The following ALDH5A1 variants were observed in gnomAD, a reference collection of about 807,000 sequenced individuals.
ALDH5A1 encodes aldehyde dehydrogenase 5 family member A1, also known as succinate-semialdehyde dehydrogenase, mitochondrial.
A neutral mutation model predicts 54.7 loss-of-function variants in ALDH5A1; 33 were observed. That is an observed-to-expected ratio of 0.60 (90% CI 0.46 to 0.81). ALDH5A1 has a LOEUF of 0.81. Ranked by LOEUF, ALDH5A1 falls within the 30% of genes least tolerant of loss-of-function variation. The probability of loss-of-function intolerance (pLI) is 0.00; values close to 1 mark genes in which losing one functional copy is unlikely to be tolerated. For synonymous variants in ALDH5A1, 294 were observed against 292.7 expected (o/e 1.00, Z -0.05); for missense variants, 657 against 711.0 (o/e 0.92, Z 0.86).
intron 4 of ALDH5A1, among the ~76,000 whole-genome samples, chr6:24,512,516 TTC>T (rs1333787597): frequency 4.6e-5 from 7 of 152,250 alleles, no homozygotes; most frequent in Admixed American, 3.3e-4. Flanking sequence ...AATGATTTAC[TTC>T]TTTCTTCTGA....
chr6:24,520,312 T>G (rs1465143532), intron 5 of ALDH5A1, 89 bp from the exon 6 acceptor site: 1 of 1,554,428 alleles, frequency 6.4e-7, no homozygotes, highest in Non-Finnish European at 8.8e-7. Context: ...ACCTTGCTTT[T>G]TTCACCATTT....
At position 24,504,960 on chromosome 6, in the gene ALDH5A1, C is replaced by G. The variant is rs778392822; in HGVS notation, c.701C>G (p.Pro234Arg). 13 of 1,614,044 alleles carry G rather than the reference C, an allele frequency of 8.1e-6. No individual in the cohort carries two copies. Among genetic ancestry groups the G allele is most frequent in the Non-Finnish European group, 8.5e-7 (1 of 1,180,024 alleles). ...GTGGTGAAGCCTGCCGAAGACACGCCCTTCTCCGCCCTGGCCCTGGCTGAG... is the reference window on the plus strand; with the variant it reads ...GTGGTGAAGCCTGCCGAAGACACGCGCTTCTCCGCCCTGGCCCTGGCTGAG... Reference protein sequence around the residue: ...TVVVKPAEDTPFSALALAELA... With the variant: ...TVVVKPAEDTRFSALALAELA... Residue 234 changes from proline to arginine, a missense_variant, in exon 4 of 10, where the codon CCC becomes CGC. Pro to Arg is a moderately radical substitution (Grantham distance 103). This residue lies in a region of ALDH5A1 where 425 missense variants were observed against 516.4 expected (regional missense o/e 0.82). Transcript: ENST00000357578.
Position 24,522,772 on chromosome 6 carries a change from T to C in ALDH5A1, c.1020T>C (p.Cys340=). 6.2e-7 allele frequency: 1 copy of C among 1,613,878 alleles called. No homozygotes were observed. Among genetic ancestry groups the C allele is most frequent in the Non-Finnish European group, 8.5e-7 (1 of 1,179,906 alleles). The change falls in exon 7 of 10, where the codon TGT becomes TGC. Residue 340 remains cysteine (C), a synonymous_variant. Transcript: ENST00000357578. ...TGTTTTTGTCTCCTGTCCAGACTTG[T>C]GTTTGCTCAAACCAATTCTTGGTGC... The part of the protein sequence containing the change: ...ASKFRNTGQT[C]VCSNQFLVQR...
chr6:24,499,151 G>C (rs1295618169), intron 1 of ALDH5A1, among the ~76,000 whole-genome samples: 28 of 151,694 alleles, frequency 1.8e-4, no homozygotes. Flanking sequence ...AGGCATTGTG[G>C]CATGCACCTG....
chr6:24,501,391 G>A (rs1409180277), intron 1 of ALDH5A1, among the ~76,000 whole-genome samples: 2 of 152,088 alleles, frequency 1.3e-5, no homozygotes, highest in Non-Finnish European at 2.9e-5. Flanking sequence ...CTCTCCACAG[G>A]GCTTGTTTTC....
At chr6:24,523,724 T>G (rs1157953994) in intron 7 of ALDH5A1, among the ~76,000 whole-genome samples, 1 of 152,214 alleles carries the variant, frequency 6.6e-6, no homozygotes, top group Non-Finnish European at 1.5e-5. Context: ...CTGTTCTTTC[T>G]TCTCTTGATG....
intron 8 of ALDH5A1, among the ~76,000 whole-genome samples, chr6:24,529,676 T>TTG (rs1256798035): frequency 7.2e-6 from 1 of 139,000 alleles, no homozygotes; most frequent in Non-Finnish European, 1.6e-5. Context: ...TTGGGTTTTT[T>TTG]TTTTTTTTTT....
chr6:24,526,984 A>C (rs868333126), intron 7 of ALDH5A1, among the ~76,000 whole-genome samples: 552 of 30,146 alleles, frequency 0.018, 23 homozygotes, highest in African/African-American at 0.031. Flanking sequence ...GTATATATAT[A>C]TATATATATA....
At chr6:24,512,286 A>G (rs1342848336) in intron 4 of ALDH5A1, among the ~76,000 whole-genome samples, 4 of 152,204 alleles carry the variant, frequency 2.6e-5, no homozygotes, top group Admixed American at 6.5e-5. Context: ...ATGCTCTCCC[A>G]GTTTTCCTGA....
In ALDH5A1 at chr6:24,534,103, A is replaced by G. The variant is rs1759992933; in HGVS notation, c.*391A>G. The G allele has an allele frequency of 4.1e-6, 1 of 246,726 alleles. No homozygotes were observed. 15.3% of individuals were successfully genotyped at this position (246,726 alleles called of 1,614,324 possible). ...ATGTCGCTACAGAACATGGGCCCAG[A>G]GCACCTTGAAGGAGACCCTTGACTG... On this transcript the variant is annotated 3_prime_UTR_variant, in exon 10 of 10. Transcript: ENST00000357578.
At chr6:24,504,166 A>G (rs1759273612) in intron 3 of ALDH5A1, among the ~76,000 whole-genome samples, 1 of 152,172 alleles carries the variant, frequency 6.6e-6, no homozygotes, top group Non-Finnish European at 1.5e-5. Flanking sequence ...ACTTAACTGC[A>G]CTGTCTCCGT....
intron 1 of ALDH5A1, among the ~76,000 whole-genome samples, chr6:24,496,472 C>A (rs895311602): frequency 3.3e-5 from 5 of 152,166 alleles, no homozygotes; most frequent in African/African-American, 1.2e-4. Flanking sequence ...TAGCAAAGTA[C>A]CACAGACTGG....
intron 8 of ALDH5A1, among the ~76,000 whole-genome samples, chr6:24,529,533 A>G (rs530695168): frequency 2.3e-4 from 34 of 150,578 alleles, no homozygotes; most frequent in African/African-American, 7.3e-4. Flanking sequence ...AAAGAAATCT[A>G]TTTTTTCTCT....
chr6:24,497,246 C>A (rs1034885096), intron 1 of ALDH5A1, among the ~76,000 whole-genome samples: 3 of 152,128 alleles, frequency 2.0e-5, no homozygotes, highest in Non-Finnish European at 2.9e-5. Context: ...TCCAGTGTTC[C>A]GTTTCTGTCC....
In ALDH5A1 at chr6:24,519,005, T is replaced by A. The variant is rs189567713; in HGVS notation, c.871-1396T>A. ...TACTGGATATTTAAACTATAATAGCTATAGGTACCAAAAGCCTTATGATTA... is the reference window on the plus strand; with the variant it reads ...TACTGGATATTTAAACTATAATAGCAATAGGTACCAAAAGCCTTATGATTA... On this transcript the variant is annotated intron_variant, in intron 5 of 9. Coordinates refer to ENST00000357578, the MANE Select transcript of ALDH5A1 (RefSeq NM_001080.3). 3.8e-3 allele frequency among the ~76,000 whole-genome samples: 586 copies of A among 152,292 alleles called. 1 individual carries two copies. The highest frequency in any genetic ancestry group is 0.013 in the African/African-American group (543 of 41,554).
At position 24,533,934 on chromosome 6, in the gene ALDH5A1, C is replaced by G; in HGVS notation, c.*222C>G. Reference sequence around the variant, plus strand: ...CCTGTGGCTGCAGACTCCCAGAGAACCAGCACTGGGTTTACAGAATGAGGC... The same window carrying G: ...CCTGTGGCTGCAGACTCCCAGAGAAGCAGCACTGGGTTTACAGAATGAGGC... On this transcript the variant is annotated 3_prime_UTR_variant, in exon 10 of 10. Transcript: ENST00000357578. The G allele has an allele frequency of 2.0e-6, 1 of 505,372 alleles. No individual in the cohort carries two copies. Among genetic ancestry groups the G allele is most frequent in the Non-Finnish European group, 3.5e-6 (1 of 282,464 alleles). 31.3% of individuals were successfully genotyped at this position (505,372 alleles called of 1,614,324 possible). A position where few individuals can be genotyped will look rare whatever the true frequency, so the allele number is the denominator to read the frequency against.
At chr6:24,498,961 G>A (rs1222588770) in intron 1 of ALDH5A1, among the ~76,000 whole-genome samples, 4 of 151,952 alleles carry the variant, frequency 2.6e-5, no homozygotes, top group African/African-American at 4.8e-5. Flanking sequence ...TCAGCTGGGC[G>A]TGGTGGTGGG....
At chr6:24,496,245 G>T (rs1405963249) in intron 1 of ALDH5A1, among the ~76,000 whole-genome samples, 1 of 152,194 alleles carries the variant, frequency 6.6e-6, no homozygotes, top group Non-Finnish European at 1.5e-5. Flanking sequence ...ACGAAAGAAG[G>T]ATTCTGCCCT....
chr6:24,501,905 GTGTGTGTGGGTGTATATATATA>G (rs1764826915), intron 1 of ALDH5A1, among the ~76,000 whole-genome samples: 2 of 147,644 alleles, frequency 1.4e-5, no homozygotes, highest in African/African-American at 2.6e-5. Context: ...ATGTGTGTGT[GTGTGTGTGGGTGTATATATATA>G]TGTGTGTGTG....
Sources: allele counts gnomAD v4.1 joint callset (sites outside exome capture counted in the v4.1 genomes callset), GRCh38; gene constraint gnomAD v4.1.1; regional missense constraint gnomAD v4.1.1; transcripts MANE v1.5; gene names NCBI Gene and HGNC (gene_info 2026-07-23, HGNC 2026-07-21).